Variants in RPS6KB1 observed in about 807,000 individuals in gnomAD.
RPS6KB1 encodes the protein ribosomal protein S6 kinase B1.
Under a neutral mutation model 70.2 loss-of-function variants are expected in RPS6KB1, and 12 were observed. That is an observed-to-expected ratio of 0.17 (90% CI 0.11 to 0.28). RPS6KB1 has a LOEUF of 0.28. RPS6KB1 is among the 10% of genes least tolerant of loss of function. RPS6KB1 has a pLI of 1.00. For missense variants in RPS6KB1, 270 were observed against 646.6 expected, an observed-to-expected ratio of 0.42 and a Z score of 6.32; for synonymous variants, 175 against 211.2, an observed-to-expected ratio of 0.83 and a Z score of 1.49.
chr17:59,896,159 C>A (rs989372776), intron 1 of RPS6KB1, among the ~76,000 whole-genome samples: 1 of 152,040 alleles, frequency 6.6e-6, no homozygotes, highest in African/African-American at 2.4e-5. Flanking sequence ...ATTAGTTGAA[C>A]TGATAGAATT....
intron 5 of RPS6KB1, among the ~76,000 whole-genome samples, chr17:59,927,795 C>A (rs2043702674): frequency 6.6e-6 from 1 of 151,658 alleles, no homozygotes; most frequent in Admixed American, 6.6e-5. Flanking sequence ...GTGTGAGCCA[C>A]TGTGCCCGCC....
intron 14 of RPS6KB1, 120 bp downstream of exon 14, chr17:59,945,638 T>G: frequency 1.6e-6 from 1 of 631,316 alleles, no homozygotes; most frequent in South Asian, 1.9e-5. Context: ...TTGGTTGACA[T>G]AAGCACAGCA....
chr17:59,893,322 G>C lies in RPS6KB1; in HGVS notation c.138G>C (p.Glu46Asp), dbSNP rs1231119934. ...EDAGSEDELE[E>D]GGQLNESMDH... ...CGGGCTCTGAGGATGAGCTGGAGGAGGGGGTGAGGCCCGGGGTCCCCGGGG... is the reference window on the plus strand; with the variant it reads ...CGGGCTCTGAGGATGAGCTGGAGGACGGGGTGAGGCCCGGGGTCCCCGGGG... Residue 46 changes from glutamate to aspartate, a missense_variant, in exon 1 of 15, where the codon GAG (glutamate) becomes GAC (aspartate). Around this residue, in one of 4 missense-constraint regions of RPS6KB1, gnomAD observed 72 missense variants for 93.4 expected, o/e 0.77. Coordinates refer to ENST00000225577, the MANE Select transcript of RPS6KB1 (RefSeq NM_003161.4). The surrounding 1 kb of genome is among the most constrained non-coding windows in gnomAD (Gnocchi z 4.1). 6.2e-7 allele frequency: 1 copy of C among 1,606,564 alleles called. No individual in the cohort carries two copies. The highest frequency in any genetic ancestry group is 1.3e-5 in the African/African-American group (1 of 74,790).
In RPS6KB1 at chr17:59,934,639, A is replaced by G; in HGVS notation, c.870+115A>G. 1 of 703,138 alleles carries G rather than the reference A, an allele frequency of 1.4e-6. No homozygotes were observed. The allele number at this position is 703,138 out of a possible 1,614,324, so 43.6% of individuals were successfully genotyped here. On this transcript the variant is annotated intron_variant, in intron 9 of 14. Coordinates refer to ENST00000225577, the MANE Select transcript of RPS6KB1 (RefSeq NM_003161.4). The surrounding 1 kb of genome is among the most constrained non-coding windows in gnomAD (Gnocchi z 4.8). ...CCAGTGGAGTTTTCAAAGCCCAAAG[A>G]TTTGTTATTAGCAGTTTAACACTAA...
At chr17:59,920,306 C>T (rs146384469) in intron 4 of RPS6KB1, among the ~76,000 whole-genome samples, 130 of 152,288 alleles carry the variant, frequency 8.5e-4, no homozygotes, top group African/African-American at 3.0e-3. Flanking sequence ...GCATGAGTCA[C>T]TGCGCCCGGC....
chr17:59,931,182 G>A (rs936050785), intron 6 of RPS6KB1: 1 of 170,606 alleles, frequency 5.9e-6, no homozygotes, highest in Non-Finnish European at 1.2e-5. Context: ...GGCTTCTAAG[G>A]GTCAGGTTAT....
intron 5 of RPS6KB1, among the ~76,000 whole-genome samples, chr17:59,929,064 A>G (rs905571380): frequency 1.3e-5 from 2 of 151,700 alleles, no homozygotes; most frequent in Non-Finnish European, 2.9e-5. Flanking sequence ...GTAATTAATA[A>G]GTATCTTTTG....
At chr17:59,942,550 A>G (rs1463481221) in intron 13 of RPS6KB1, among the ~76,000 whole-genome samples, 2 of 151,372 alleles carry the variant, frequency 1.3e-5, no homozygotes, top group African/African-American at 2.4e-5. Flanking sequence ...TTTTTGGACT[A>G]CTCTAGGGAG....
chr17:59,941,899 C>T (rs565240227), intron 13 of RPS6KB1, among the ~76,000 whole-genome samples: 2 of 132,060 alleles, frequency 1.5e-5, no homozygotes, highest in South Asian at 2.5e-4. Flanking sequence ...CGCTCTGTCG[C>T]CCAGGTTGGA....
chr17:59,919,156 G>A (rs963356402), intron 4 of RPS6KB1, among the ~76,000 whole-genome samples: 4 of 152,166 alleles, frequency 2.6e-5, no homozygotes, highest in Non-Finnish European at 4.4e-5. Context: ...AAGCTGATCA[G>A]AAGTTCTGTG....
intron 2 of RPS6KB1, chr17:59,912,478 T>A (rs1042530495): frequency 8.5e-6 from 4 of 472,192 alleles, no homozygotes; most frequent in Admixed American, 6.8e-5. Flanking sequence ...GATTGCCCAT[T>A]CTATGAACAA....
In RPS6KB1 at chr17:59,908,658, G is replaced by A. The variant is rs550564600; in HGVS notation, c.142-1904G>A. ...TTTTGAGACGGAGTCTCGCTCTGTC[G>A]CCCAGGCTGGAGTGCAGTGGCGCGA... On this transcript the variant is annotated intron_variant, in intron 1 of 14. Coordinates refer to ENST00000225577, the MANE Select transcript of RPS6KB1 (RefSeq NM_003161.4). 1.1e-3 allele frequency among the ~76,000 whole-genome samples: 123 copies of A among 107,468 alleles called. 2 individuals carry two copies. The highest frequency in any genetic ancestry group is 0.01 in the Middle Eastern group (1 of 100). The allele number at this position is 107,468 out of a possible 152,430, so 70.5% of individuals were successfully genotyped here.
At chr17:59,941,319 CTT>C (rs34530239) in intron 13 of RPS6KB1, among the ~76,000 whole-genome samples, 32 of 124,974 alleles carry the variant, frequency 2.6e-4, no homozygotes, top group Non-Finnish European at 3.2e-4. Context: ...ATTTTTGGTA[CTT>C]TTTTTTTTTT....
chr17:59,916,347 G>A (rs910866312), intron 4 of RPS6KB1, among the ~76,000 whole-genome samples: 1 of 152,070 alleles, frequency 6.6e-6, no homozygotes, highest in Non-Finnish European at 1.5e-5. Context: ...GGATCGGCCC[G>A]CCTTGACCTC....
In RPS6KB1 at chr17:59,938,498, G is replaced by C. The variant is rs185840934; in HGVS notation, c.1119+1957G>C. Among the ~76,000 whole-genome samples, 12 of 151,500 alleles carry C rather than the reference G, an allele frequency of 7.9e-5. 1 individual carries two copies. In the East Asian group the frequency reaches 1.7e-3, roughly 22 times the overall value. ...CTCTTTTCATTTATAGATTCCCCTT[G>C]TGATTTATTGAAGAAACTGGGTCAT... On this transcript the variant is annotated intron_variant, in intron 12 of 14. Transcript: ENST00000225577.
At chr17:59,911,000 C>T (rs903717170) in intron 2 of RPS6KB1, among the ~76,000 whole-genome samples, 1 of 152,058 alleles carries the variant, frequency 6.6e-6, no homozygotes, top group African/African-American at 2.4e-5. Context: ...TCATGCAATC[C>T]GGCTGGGCAC....
intron 13 of RPS6KB1, among the ~76,000 whole-genome samples, chr17:59,944,412 T>C (rs1421152347): frequency 6.6e-6 from 1 of 152,184 alleles, no homozygotes; most frequent in Non-Finnish European, 1.5e-5. Flanking sequence ...TGATACTTAT[T>C]CATCAAGAAA....
chr17:59,898,257 A>G (rs2041685014), intron 1 of RPS6KB1, among the ~76,000 whole-genome samples: 2 of 152,176 alleles, frequency 1.3e-5, no homozygotes, highest in Admixed American at 1.3e-4. Context: ...ATTTGAAATA[A>G]TCACGCAGGC....
chr17:59,944,856 T>C (rs1357482598), intron 13 of RPS6KB1, among the ~76,000 whole-genome samples: 2 of 150,118 alleles, frequency 1.3e-5, no homozygotes, highest in Non-Finnish European at 3.0e-5. Flanking sequence ...TAGAATGCAG[T>C]GGTGCGATCT....
Sources: allele counts gnomAD v4.1 joint callset (sites outside exome capture counted in the v4.1 genomes callset), GRCh38; gene constraint gnomAD v4.1.1; regional missense constraint gnomAD v4.1.1; non-coding constraint Gnocchi (gnomAD v3.1); transcripts MANE v1.5; gene names NCBI Gene and HGNC (gene_info 2026-07-23, HGNC 2026-07-21).